CYFIP2: variants seen among roughly 807,000 people sequenced by gnomAD.
CYFIP2 encodes cytoplasmic FMR1-interacting protein 2.
A neutral mutation model predicts 158.7 loss-of-function variants in CYFIP2; 29 were observed. The observed-to-expected ratio is 0.18, with a 90% CI of 0.14 to 0.25. The LOEUF (loss-of-function observed/expected upper bound fraction) is 0.25, where lower values mean the gene tolerates loss of function less well. Ranked by LOEUF, CYFIP2 falls within the 10% of genes least tolerant of loss-of-function variation. CYFIP2 has a pLI of 1.00. For synonymous variants in CYFIP2, 585 were observed against 617.6 expected (o/e 0.95, Z 0.78); for missense variants, 852 against 1,639.5 (o/e 0.52, Z 8.29).
chr5:157,288,756 G>T (rs1242943461), intron 3 of CYFIP2: 1 of 394,758 alleles, frequency 2.5e-6, no homozygotes, highest in Non-Finnish European at 5.0e-6. Context: ...ACAAGTGACA[G>T]CTCTAGATCA....
chr5:157,366,416 G>T (rs1764376257), intron 26 of CYFIP2, among the ~76,000 whole-genome samples: 1 of 152,090 alleles, frequency 6.6e-6, no homozygotes, highest in Non-Finnish European at 1.5e-5. Context: ...TTTGTGATTT[G>T]TTTAGAAAAC....
At chr5:157,391,188 C>T (rs918701173) in intron 30 of CYFIP2, among the ~76,000 whole-genome samples, 6 of 151,988 alleles carry the variant, frequency 3.9e-5, no homozygotes. Context: ...CTCCAGACAG[C>T]AACAGTGACA....
chr5:157,315,618 GTTC>G (rs1456117912), intron 13 of CYFIP2, among the ~76,000 whole-genome samples: 1 of 152,342 alleles, frequency 6.6e-6, no homozygotes, highest in East Asian at 1.9e-4. Context: ...CTTTGGTGAA[GTTC>G]TTCTTCTGGG....
chr5:157,338,887 C>T (rs948522345), intron 21 of CYFIP2, among the ~76,000 whole-genome samples, 170 bp from the exon 22 acceptor site: 3 of 152,254 alleles, frequency 2.0e-5, no homozygotes. Context: ...TTCCACTTCT[C>T]AGAAGGGAAC....
At chr5:157,326,737 G>A (rs1426856636) in intron 18 of CYFIP2, among the ~76,000 whole-genome samples, 3 of 152,148 alleles carry the variant, frequency 2.0e-5, no homozygotes, top group East Asian at 1.9e-4. Context: ...GAGTGCACAC[G>A]CCCACCTTGA....
intron 1 of CYFIP2, among the ~76,000 whole-genome samples, chr5:157,269,778 A>T (rs1561676536): frequency 6.6e-6 from 1 of 152,222 alleles, no homozygotes. Context: ...GCTTAAAGGC[A>T]CTTTGTGATT....
chr5:157,342,490 C>T (rs1245136327), intron 23 of CYFIP2: 4 of 172,672 alleles, frequency 2.3e-5, no homozygotes, highest in African/African-American at 9.5e-5. Flanking sequence ...CAAAAGTGTA[C>T]CTCTGAGAGC....
chr5:157,382,153 A>G (rs896667493), intron 26 of CYFIP2, among the ~76,000 whole-genome samples: 4 of 152,204 alleles, frequency 2.6e-5, no homozygotes, highest in African/African-American at 4.8e-5. Flanking sequence ...CTTTACACAG[A>G]GTCCTAGATT....
chr5:157,353,007 C>T (rs1581125474), intron 23 of CYFIP2, among the ~76,000 whole-genome samples: 1 of 152,266 alleles, frequency 6.6e-6, no homozygotes, highest in Middle Eastern at 3.4e-3. Context: ...ACAGATCGTC[C>T]CCTGCAGTTT....
chr5:157,390,738 A>C, intron 30 of CYFIP2, 70 bp downstream of exon 30: 2 of 1,547,444 alleles, frequency 1.3e-6, no homozygotes, highest in Non-Finnish European at 1.7e-6. Context: ...CCAGAAAAGC[A>C]AACAAGGAGG....
chr5:157,277,328 G>A (rs1431495925), intron 1 of CYFIP2, among the ~76,000 whole-genome samples: 1 of 152,154 alleles, frequency 6.6e-6, no homozygotes, highest in East Asian at 1.9e-4. Flanking sequence ...ACTGAGTCTG[G>A]CCTTATCTGT....
At chr5:157,367,751 CTTT>C (rs373446663) in intron 26 of CYFIP2, among the ~76,000 whole-genome samples, 4 of 123,574 alleles carry the variant, frequency 3.2e-5, no homozygotes, top group Non-Finnish European at 4.9e-5. Flanking sequence ...CCTCTGTTCA[CTTT>C]TTTTTTTTTT....
At chr5:157,374,284 T>A (rs10076521) in intron 26 of CYFIP2, among the ~76,000 whole-genome samples, 112,885 of 152,074 alleles carry the variant, frequency 0.74, 42,305 homozygotes, top group East Asian at 0.98. Context: ...AATCATAAAA[T>A]GGTATCCTTC....
intron 19 of CYFIP2, among the ~76,000 whole-genome samples, chr5:157,328,528 A>G (rs1252621082): frequency 6.6e-6 from 1 of 152,196 alleles, no homozygotes; most frequent in Non-Finnish European, 1.5e-5. Context: ...ACAGCATGCC[A>G]ACTTCACAGG....
intron 15 of CYFIP2, among the ~76,000 whole-genome samples, chr5:157,321,341 A>G (rs1760578280): frequency 6.6e-6 from 1 of 152,216 alleles, no homozygotes; most frequent in Non-Finnish European, 1.5e-5. Flanking sequence ...TACTAACAAA[A>G]TATTCCTTAG....
rs1763802349 is a variant in CYFIP2 at position 157,361,265 on chromosome 5, A to C, written c.2909-203A>C. 1 of 571,318 alleles carries C rather than the reference A, an allele frequency of 1.8e-6. No individual in the cohort carries two copies. Among genetic ancestry groups the C allele is most frequent in the African/African-American group, 1.9e-5 (1 of 52,326 alleles). The allele number at this position is 571,318 out of a possible 1,614,324, so 35.4% of individuals were successfully genotyped here. On this transcript the variant is annotated intron_variant, in intron 25 of 30. Transcript: ENST00000620254. The surrounding 1 kb of genome is among the most constrained non-coding windows in gnomAD (Gnocchi z 4.4). Reference sequence around the variant, plus strand: ...TGTGTGTGCGTGTGTGTGTTCTGAAAAAGACATGAGCCAGCTACTCGAACT... The same window carrying C: ...TGTGTGTGCGTGTGTGTGTTCTGAACAAGACATGAGCCAGCTACTCGAACT...
At position 157,393,578 on chromosome 5, in the gene CYFIP2, C is replaced by T; in HGVS notation, c.*578C>T. 1 of 148,086 alleles carries T rather than the reference C, an allele frequency of 6.8e-6. No individual in the cohort carries two copies. 9.2% of individuals were successfully genotyped at this position (148,086 alleles called of 1,614,324 possible). A position where few individuals can be genotyped will look rare whatever the true frequency, so the allele number is the denominator to read the frequency against. Reference sequence around the variant, plus strand: ...CTTCCCAAAGCCCCATTCTAACTCCCCTCTCTCAGGGAAGCCCTAGAGAGA... The same window carrying T: ...CTTCCCAAAGCCCCATTCTAACTCCTCTCTCTCAGGGAAGCCCTAGAGAGA... On this transcript the variant is annotated 3_prime_UTR_variant, in exon 31 of 31. Transcript: ENST00000620254.
intron 28 of CYFIP2, among the ~76,000 whole-genome samples, chr5:157,383,878 TAG>T (rs1290452085): frequency 6.6e-6 from 1 of 152,244 alleles, no homozygotes; most frequent in Non-Finnish European, 1.5e-5. Flanking sequence ...AAGGCAAAAT[TAG>T]ATCTTGTTGC....
chr5:157,274,045 G>A (rs1756334450), intron 1 of CYFIP2, among the ~76,000 whole-genome samples: 1 of 149,674 alleles, frequency 6.7e-6, no homozygotes, highest in African/African-American at 2.5e-5. Flanking sequence ...TGAGGCAGGA[G>A]AATCGTTTGA....
Sources: allele counts gnomAD v4.1 joint callset (sites outside exome capture counted in the v4.1 genomes callset), GRCh38; gene constraint gnomAD v4.1.1; non-coding constraint Gnocchi (gnomAD v3.1); transcripts MANE v1.5; gene names NCBI Gene and HGNC (gene_info 2026-07-23, HGNC 2026-07-21).